Variants in ERBB4 observed in about 807,000 individuals in gnomAD.
The protein encoded by ERBB4 is erb-b2 receptor tyrosine kinase 4.
Under a neutral mutation model 158.0 loss-of-function variants are expected in ERBB4, and 42 were observed. The observed-to-expected ratio is 0.27, with a 90% confidence interval of 0.21 to 0.34. ERBB4 has a LOEUF of 0.34. ERBB4 is among the 10% of genes least tolerant of loss of function. The probability of loss-of-function intolerance (pLI) is 1.00; values close to 1 mark genes in which losing one functional copy is unlikely to be tolerated. For synonymous variants in ERBB4, 583 were observed against 558.7 expected, an observed-to-expected ratio of 1.04 and a Z score of -0.61; for missense variants, 1,333 against 1,624.1, an observed-to-expected ratio of 0.82 and a Z score of 3.08.
At chr2:211,961,677 T>A (rs1024052145) in intron 2 of ERBB4, among the ~76,000 whole-genome samples, 3 of 152,148 alleles carry the variant, frequency 2.0e-5, no homozygotes, top group Non-Finnish European at 4.4e-5. Flanking sequence ...GTAAGTATTA[T>A]AAAGTCTCTG....
At chr2:211,988,021 T>C (rs2081981543) in intron 2 of ERBB4, among the ~76,000 whole-genome samples, 1 of 152,222 alleles carries the variant, frequency 6.6e-6, no homozygotes, top group African/African-American at 2.4e-5. Flanking sequence ...TTTTAAAATG[T>C]ACTTGTTAGG....
chr2:211,985,593 G>A (rs1457934102), intron 2 of ERBB4, among the ~76,000 whole-genome samples: 2 of 151,980 alleles, frequency 1.3e-5, no homozygotes, highest in Non-Finnish European at 2.9e-5. Context: ...TAAATGCCAA[G>A]TCAGCGAAGT....
At chr2:212,001,717 A>C (rs537214847) in intron 2 of ERBB4, among the ~76,000 whole-genome samples, 16 of 152,320 alleles carry the variant, frequency 1.1e-4, no homozygotes, top group African/African-American at 3.8e-4. Context: ...GATGGCAAGA[A>C]AAAGAACTGT....
At chr2:212,004,001 G>T (rs1251865557) in intron 2 of ERBB4, among the ~76,000 whole-genome samples, 1 of 152,112 alleles carries the variant, frequency 6.6e-6, no homozygotes, top group Non-Finnish European at 1.5e-5. Flanking sequence ...TCTTCCATAA[G>T]TACTTGAATA....
chr2:211,466,713 G>A (rs1009832668), intron 20 of ERBB4, among the ~76,000 whole-genome samples: 82 of 152,188 alleles, frequency 5.4e-4, no homozygotes, highest in African/African-American at 1.7e-3. Flanking sequence ...ATGGTTTACA[G>A]ACCTTTTTTA....
intron 1 of ERBB4, among the ~76,000 whole-genome samples, chr2:212,350,811 A>AT (rs1387975714): frequency 6.7e-5 from 1 of 14,912 alleles, no homozygotes; most frequent in Admixed American, 1.5e-3. Flanking sequence ...GTAAAATAAT[A>AT]AAAAAAATGC....
At chr2:211,599,383 C>T (rs1194733974) in intron 19 of ERBB4, among the ~76,000 whole-genome samples, 1 of 152,090 alleles carries the variant, frequency 6.6e-6, no homozygotes, top group African/African-American at 2.4e-5. Context: ...GCTTTGGGCT[C>T]TTTTTACTTC....
rs1559293749 is a variant in ERBB4, at chr2:212,003,202, AAAGAC to A, written c.235-55591_235-55587del. Reference sequence around the variant, plus strand: ...GAAAGAAAGAAAGAAAGAAAGAAAGAAAGACAGAAAGAAGGAAGGAAGGAAGGAAG... The same window carrying A: ...GAAAGAAAGAAAGAAAGAAAGAAAGAAGAAAGAAGGAAGGAAGGAAGGAAG... On this transcript the variant is annotated intron_variant, in intron 2 of 27. Coordinates refer to ENST00000342788, the MANE Select transcript of ERBB4 (RefSeq NM_005235.3). Among the ~76,000 whole-genome samples, 87 of 55,496 alleles carry A rather than the reference AAAGAC, an allele frequency of 1.6e-3. 2 individuals carry two copies. The highest frequency in any genetic ancestry group is 3.6e-3 in the African/African-American group (82 of 22,592). 36.4% of individuals were successfully genotyped at this position (55,496 alleles called of 152,430 possible). A position where few individuals can be genotyped will look rare whatever the true frequency, so the allele number is the denominator to read the frequency against.
intron 1 of ERBB4, among the ~76,000 whole-genome samples, chr2:212,484,835 A>G (rs541477385): frequency 2.4e-4 from 37 of 152,172 alleles, no homozygotes; most frequent in African/African-American, 8.4e-4. Flanking sequence ...CCTGGACTTC[A>G]TTTCTTTCAC....
chr2:211,726,600 T>A (rs77935896), intron 5 of ERBB4, among the ~76,000 whole-genome samples: 2 of 152,300 alleles, frequency 1.3e-5, no homozygotes, highest in East Asian at 3.9e-4. Flanking sequence ...GTATTAGCAA[T>A]AGTTTTCTAA....
At chr2:212,363,475 T>C in intron 1 of ERBB4, among the ~76,000 whole-genome samples, 1 of 151,608 alleles carries the variant, frequency 6.6e-6, no homozygotes, top group South Asian at 2.1e-4. Flanking sequence ...ATAATCATCA[T>C]TACACTGAAT....
chr2:211,639,972 C>T (rs111293241), intron 16 of ERBB4, among the ~76,000 whole-genome samples: 1 of 152,184 alleles, frequency 6.6e-6, no homozygotes, highest in Admixed American at 6.5e-5. Context: ...ATCTGCCCGC[C>T]TCGGCCTTCC....
At chr2:212,330,972 C>T (rs1279866826) in intron 1 of ERBB4, among the ~76,000 whole-genome samples, 2 of 148,694 alleles carry the variant, frequency 1.3e-5, no homozygotes, top group Non-Finnish European at 3.0e-5. Context: ...GCAATATTTG[C>T]AACCAGAAGG....
chr2:212,238,325 G>T (rs1049179287), intron 1 of ERBB4, among the ~76,000 whole-genome samples: 1 of 152,132 alleles, frequency 6.6e-6, no homozygotes, highest in Admixed American at 6.5e-5. Flanking sequence ...CTTGGCTAGG[G>T]GAGGGAGTTC....
chr2:212,382,316 T>G (rs1400915381), intron 1 of ERBB4, among the ~76,000 whole-genome samples: 2 of 150,556 alleles, frequency 1.3e-5, no homozygotes, highest in African/African-American at 4.9e-5. Flanking sequence ...TATACACACA[T>G]GTATATACAC....
intron 1 of ERBB4, among the ~76,000 whole-genome samples, chr2:212,373,261 A>G (rs1262919517): frequency 2.0e-5 from 3 of 152,162 alleles, no homozygotes; most frequent in Non-Finnish European, 4.4e-5. Flanking sequence ...TAACTTGTCC[A>G]ACATTGTACA....
intron 20 of ERBB4, among the ~76,000 whole-genome samples, chr2:211,544,231 TA>T: frequency 6.6e-6 from 1 of 152,200 alleles, no homozygotes; most frequent in Middle Eastern, 3.4e-3. Flanking sequence ...TATATTGACA[TA>T]CATAGTCTGT....
At chr2:211,949,618 G>T (rs1045025323) in intron 2 of ERBB4, among the ~76,000 whole-genome samples, 15 of 152,072 alleles carry the variant, frequency 9.9e-5, no homozygotes, top group African/African-American at 3.1e-4. Context: ...TGTTGGAACT[G>T]CAGTGTATGA....
chr2:211,912,208 G>A (rs1321551622), intron 3 of ERBB4, among the ~76,000 whole-genome samples: 1 of 152,082 alleles, frequency 6.6e-6, no homozygotes, highest in Non-Finnish European at 1.5e-5. Flanking sequence ...GAGTAAAGGA[G>A]GAGCCAATTA....
Sources: gnomAD v4.1 joint callset for allele counts (sites outside exome capture counted in the v4.1 genomes callset) on GRCh38, gnomAD v4.1.1 for gene constraint, MANE v1.5 for transcripts, NCBI Gene and HGNC (gene_info 2026-07-23, HGNC 2026-07-21) for gene names.